The following TNFAIP8 variants were observed in gnomAD, a reference collection of about 807,000 sequenced individuals.
The protein encoded by TNFAIP8 is tumor necrosis factor alpha-induced protein 8.
TNFAIP8 carries 7 observed loss-of-function variants against 13.3 expected under a neutral mutation model. The observed-to-expected ratio is 0.52, with a 90% confidence interval of 0.30 to 0.99. The LOEUF (loss-of-function observed/expected upper bound fraction) is 0.99. Among genes scored for constraint, TNFAIP8 ranks in the 50% least tolerant of loss-of-function variants. TNFAIP8 has a pLI of 0.07. For synonymous variants in TNFAIP8, 94 were observed against 87.6 expected (o/e 1.07, Z -0.41); for missense variants, 258 against 236.9 (o/e 1.09, Z -0.58).
At chr5:119,296,034 A>G (rs1167399801) in intron 1 of TNFAIP8, among the ~76,000 whole-genome samples, 9 of 149,758 alleles carry the variant, frequency 6.0e-5, no homozygotes, top group Non-Finnish European at 7.4e-5. Context: ...GGGCTGAGAC[A>G]ATGGGGTTTT....
intron 1 of TNFAIP8, among the ~76,000 whole-genome samples, chr5:119,332,267 A>G (rs1043035006): frequency 1.3e-5 from 2 of 152,190 alleles, no homozygotes; most frequent in Admixed American, 1.3e-4. Flanking sequence ...GCATCAGGCA[A>G]TATGTTATTT....
At chr5:119,296,245 A>G (rs539275097) in intron 1 of TNFAIP8, among the ~76,000 whole-genome samples, 3 of 151,328 alleles carry the variant, frequency 2.0e-5, no homozygotes, top group African/African-American at 4.9e-5. Flanking sequence ...CCCATTCAGT[A>G]TGATATTGGC....
At chr5:119,335,012 T>C (rs904527669) in intron 1 of TNFAIP8, among the ~76,000 whole-genome samples, 1 of 152,012 alleles carries the variant, frequency 6.6e-6, no homozygotes, top group Non-Finnish European at 1.5e-5. Context: ...TGTAAATTCG[T>C]GGTTGAAAAT....
At chr5:119,322,382 G>T (rs1750086944) in intron 1 of TNFAIP8, among the ~76,000 whole-genome samples, 1 of 152,216 alleles carries the variant, frequency 6.6e-6, no homozygotes, top group Non-Finnish European at 1.5e-5. Context: ...TCCAGCCTCT[G>T]AGCAGACCAT....
At chr5:119,337,786 G>A (rs1750602295) in intron 1 of TNFAIP8, among the ~76,000 whole-genome samples, 1 of 152,170 alleles carries the variant, frequency 6.6e-6, no homozygotes, top group South Asian at 2.1e-4. Context: ...GAGAATGAGA[G>A]TGCTCAGTTA....
At chr5:119,350,655 G>A (rs1199981707) in intron 1 of TNFAIP8, among the ~76,000 whole-genome samples, 1 of 152,326 alleles carries the variant, frequency 6.6e-6, no homozygotes, top group Admixed American at 6.5e-5. Context: ...CTCTCTGTGT[G>A]TGCTCATCTC....
chr5:119,340,291 G>A (rs1171439648), intron 1 of TNFAIP8, among the ~76,000 whole-genome samples: 12 of 152,166 alleles, frequency 7.9e-5, no homozygotes, highest in Non-Finnish European at 1.5e-5. Context: ...ATTACCAGGG[G>A]GGCTTTCACC....
At chr5:119,345,738 CAG>C (rs922270221) in intron 1 of TNFAIP8, among the ~76,000 whole-genome samples, 2 of 152,228 alleles carry the variant, frequency 1.3e-5, no homozygotes, top group South Asian at 2.1e-4. Flanking sequence ...TCAGTGGGTA[CAG>C]AGTTTCAGTT....
intron 1 of TNFAIP8, among the ~76,000 whole-genome samples, chr5:119,271,992 T>C (rs1055737595): frequency 1.3e-5 from 2 of 152,206 alleles, no homozygotes; most frequent in Admixed American, 1.3e-4. Context: ...TCTAGGCTTC[T>C]ATACTTCAGT....
In TNFAIP8 at chr5:119,278,376, AGTGTGTGTGTGTGTGTGTGTGT is replaced by A. The variant is rs71591297; in HGVS notation, c.1+9493_1+9514del. ...GGGAGAGAGAGAGAGAGAGAGAGAG[AGTGTGTGTGTGTGTGTGTGTGT>A]GTGTGTGTGTGTGTGTGTGTGTGAA... On this transcript the variant is annotated intron_variant, in intron 1 of 1. Transcript: ENST00000274456. Among the ~76,000 whole-genome samples, 623 of 108,238 alleles carry A rather than the reference AGTGTGTGTGTGTGTGTGTGTGT, an allele frequency of 5.8e-3. 5 individuals are homozygous for A. The highest frequency in any genetic ancestry group is 0.022 in the African/African-American group (588 of 26,500). The allele number at this position is 108,238 out of a possible 152,430, so 71.0% of individuals were successfully genotyped here. A position where few individuals can be genotyped will look rare whatever the true frequency, so the allele number is the denominator to read the frequency against.
chr5:119,365,295 A>G (rs1408665615), intron 1 of TNFAIP8, among the ~76,000 whole-genome samples: 2 of 151,992 alleles, frequency 1.3e-5, no homozygotes, highest in Non-Finnish European at 2.9e-5. Flanking sequence ...ATAATTTGGA[A>G]CTCTTAGGAC....
chr5:119,327,024 G>T (rs147283846), intron 1 of TNFAIP8, among the ~76,000 whole-genome samples: 31 of 152,308 alleles, frequency 2.0e-4, no homozygotes, highest in African/African-American at 6.7e-4. Context: ...GGAGACAGAA[G>T]TATATACCAC....
intron 1 of TNFAIP8, among the ~76,000 whole-genome samples, chr5:119,385,398 G>A (rs1752631152): frequency 6.6e-6 from 1 of 152,148 alleles, no homozygotes; most frequent in Admixed American, 6.5e-5. Context: ...TTTAACTGTG[G>A]CTTTATTTTT....
At chr5:119,320,794 T>C (rs1581601990) in intron 1 of TNFAIP8, among the ~76,000 whole-genome samples, 1 of 151,480 alleles carries the variant, frequency 6.6e-6, no homozygotes, top group Admixed American at 6.6e-5. Context: ...ATAACTGTTC[T>C]CTCCAAGGGC....
chr5:119,342,082 ACT>A (rs1260433476), intron 1 of TNFAIP8, among the ~76,000 whole-genome samples: 2 of 152,032 alleles, frequency 1.3e-5, no homozygotes, highest in East Asian at 3.9e-4. Context: ...TGAATTCTTT[ACT>A]CTTAGCTGTT....
intron 1 of TNFAIP8, among the ~76,000 whole-genome samples, chr5:119,369,995 A>C (rs1752013137): frequency 6.6e-6 from 1 of 152,258 alleles, no homozygotes; most frequent in East Asian, 1.9e-4. Context: ...AATTTGGTCC[A>C]ATCACACTTT....
intron 1 of TNFAIP8, among the ~76,000 whole-genome samples, chr5:119,370,939 T>C (rs575439643): frequency 2.0e-5 from 3 of 152,348 alleles, no homozygotes; most frequent in African/African-American, 7.2e-5. Context: ...ATTCTGTAGC[T>C]TGCTTTTTTG....
At chr5:119,310,823 C>CCAATCAAT (rs60315927) in intron 1 of TNFAIP8, among the ~76,000 whole-genome samples, 6 of 151,916 alleles carry the variant, frequency 3.9e-5, no homozygotes, top group Non-Finnish European at 8.8e-5. Flanking sequence ...CGAGACTCCA[C>CCAATCAAT]CAATCAATCA....
chr5:119,347,612 T>A (rs1361909540), intron 1 of TNFAIP8, among the ~76,000 whole-genome samples: 1 of 152,186 alleles, frequency 6.6e-6, no homozygotes, highest in Admixed American at 6.5e-5. Flanking sequence ...CAGCTCTTCT[T>A]TAAGGAGAGG....
Sources: gnomAD v4.1 joint callset for allele counts (sites outside exome capture counted in the v4.1 genomes callset) on GRCh38, gnomAD v4.1.1 for gene constraint, MANE v1.5 for transcripts, NCBI Gene and HGNC (gene_info 2026-07-23, HGNC 2026-07-21) for gene names.